TEC: variants seen among roughly 807,000 people sequenced by gnomAD.
TEC encodes tec protein tyrosine kinase.
In TEC, 72 loss-of-function variants were observed where a neutral mutation model predicts 93.0. The observed-to-expected ratio is 0.77, with a 90% CI of 0.64 to 0.94. The LOEUF is 0.94. Ranked by LOEUF, TEC falls within the 40% of genes least tolerant of loss-of-function variation. The probability of loss-of-function intolerance (pLI) is 0.00; values close to 1 mark genes in which losing one functional copy is unlikely to be tolerated. For synonymous variants in TEC, 249 were observed against 247.7 expected, an observed-to-expected ratio of 1.01 and a Z score of -0.05; for missense variants, 630 against 757.9, an observed-to-expected ratio of 0.83 and a Z score of 1.98.
intron 8 of TEC, among the ~76,000 whole-genome samples, chr4:48,157,718 G>A (rs1160697670): frequency 6.6e-6 from 1 of 152,190 alleles, no homozygotes; most frequent in African/African-American, 2.4e-5. Context: ...GTTTCACTGT[G>A]TTGGCCAGGC....
Position 48,223,431 on chromosome 4 carries a change from G to A in TEC, c.138+5046C>T, listed in dbSNP as rs1350034596. On this transcript the variant is annotated intron_variant, in intron 2 of 17. Transcript: ENST00000381501. ...AGATAGGCTTTGAAGAAATATACCTGCAATTTCTGGAAGGTGTGCGCAATC... is the reference window on the plus strand; with the variant it reads ...AGATAGGCTTTGAAGAAATATACCTACAATTTCTGGAAGGTGTGCGCAATC... Among the ~76,000 whole-genome samples, 3 of 151,996 alleles carry A rather than the reference G, an allele frequency of 2.0e-5. No homozygotes were observed. In the East Asian group the frequency reaches 5.8e-4, roughly 29 times the overall value.
chr4:48,150,767 C>T (rs1386038279), intron 10 of TEC, 96 bp downstream of exon 10: 2 of 821,622 alleles, frequency 2.4e-6, no homozygotes, highest in South Asian at 3.4e-5. Flanking sequence ...TGGTGAAATG[C>T]TGCATATTTT....
At chr4:48,165,905 G>T (rs569519892) in intron 7 of TEC, among the ~76,000 whole-genome samples, 1 of 152,238 alleles carries the variant, frequency 6.6e-6, no homozygotes, top group African/African-American at 2.4e-5. Flanking sequence ...CTTAGACCTG[G>T]GCCAGAGAAG....
In TEC at chr4:48,145,625, T is replaced by G; in HGVS notation, c.1082-46A>C. ...GTGTTCATATTTAAAAAGGAAAATG[T>G]AGCATGAATCAGAGAGGGGGAAAAA... On this transcript the variant is annotated intron_variant, in intron 12 of 17. Coordinates refer to ENST00000381501, the MANE Select transcript of TEC (RefSeq NM_003215.3). 2.5e-6 allele frequency: 4 copies of G among 1,599,314 alleles called. No homozygotes were observed. In the South Asian group the frequency reaches 4.4e-5, roughly 18 times the overall value.
chr4:48,141,237 T>C, intron 15 of TEC, 118 bp downstream of exon 15: 1 of 849,744 alleles, frequency 1.2e-6, no homozygotes, highest in Non-Finnish European at 1.9e-6. Flanking sequence ...CTTAATTTAA[T>C]CTGAGAACCA....
chr4:48,260,982 A>G (rs919652365), intron 1 of TEC, among the ~76,000 whole-genome samples: 4 of 152,190 alleles, frequency 2.6e-5, no homozygotes, highest in Non-Finnish European at 4.4e-5. Flanking sequence ...ACTCTACAAA[A>G]TGACAATTTT....
intron 1 of TEC, among the ~76,000 whole-genome samples, chr4:48,242,502 C>G (rs2109658223): frequency 6.6e-6 from 1 of 152,312 alleles, no homozygotes; most frequent in East Asian, 1.9e-4. Flanking sequence ...GTAGTTCCTC[C>G]TACTATCAGT....
intron 2 of TEC, among the ~76,000 whole-genome samples, chr4:48,218,779 T>C (rs1312944497): frequency 6.6e-6 from 1 of 152,202 alleles, no homozygotes; most frequent in Non-Finnish European, 1.5e-5. Context: ...GGAGAGCCTA[T>C]ACAAATGAGA....
At chr4:48,218,458 T>C (rs956223246) in intron 2 of TEC, among the ~76,000 whole-genome samples, 2 of 152,204 alleles carry the variant, frequency 1.3e-5, no homozygotes, top group Non-Finnish European at 2.9e-5. Context: ...TTTTACAAGC[T>C]GGTGGACTGC....
intron 2 of TEC, among the ~76,000 whole-genome samples, chr4:48,204,492 A>C (rs1171714225): frequency 1.3e-5 from 2 of 152,062 alleles, no homozygotes; most frequent in African/African-American, 4.8e-5. Flanking sequence ...CCTTTCGCTG[A>C]TTTTGCTTTG....
intron 2 of TEC, among the ~76,000 whole-genome samples, chr4:48,192,113 A>G (rs1722114169): frequency 6.6e-6 from 1 of 152,240 alleles, no homozygotes; most frequent in Non-Finnish European, 1.5e-5. Context: ...CAACCCAAAC[A>G]TCCATCAACA....
chr4:48,209,830 C>T (rs1472038964), intron 2 of TEC, among the ~76,000 whole-genome samples: 1 of 152,106 alleles, frequency 6.6e-6, no homozygotes, highest in African/African-American at 2.4e-5. Context: ...CTTTGTTTTT[C>T]AAAGGAAGAA....
Position 48,262,201 on chromosome 4 carries a change from C to CTTT in TEC, c.-46+7548_-46+7550dup, listed in dbSNP as rs10659576. Among the ~76,000 whole-genome samples, 5 of 80,220 alleles carry CTTT rather than the reference C, an allele frequency of 6.2e-5. 1 individual carries two copies. The East Asian group carries it at 1.5e-3, about 23-fold the overall frequency. The allele number at this position is 80,220 out of a possible 152,430, so 52.6% of individuals were successfully genotyped here. A position where few individuals can be genotyped will look rare whatever the true frequency, so the allele number is the denominator to read the frequency against. ...CTTGGGTAATTGTGACCAAATGTCT[C>CTTT]TTTTTTTTTTTTTGAGACGGAGTCT... On this transcript the variant is annotated intron_variant, in intron 1 of 17. Transcript: ENST00000381501.
In TEC at chr4:48,259,001, G is replaced by A. The variant is rs553639193; in HGVS notation, c.-46+10751C>T. 2.4e-4 allele frequency among the ~76,000 whole-genome samples: 37 copies of A among 152,192 alleles called. No individual in the cohort carries two copies. In the East Asian group the frequency reaches 3.9e-3, roughly 16 times the overall value. On this transcript the variant is annotated intron_variant, in intron 1 of 17. Transcript: ENST00000381501. ...CCACAGACACTACATTAAATTTACC[G>A]TGAGTCTAAGCAAGCCATTATCTTC...
intron 14 of TEC, among the ~76,000 whole-genome samples, chr4:48,144,361 C>G (rs1200230862): frequency 6.6e-6 from 1 of 152,128 alleles, no homozygotes; most frequent in Non-Finnish European, 1.5e-5. Context: ...TTTCAGGGGA[C>G]AGACAGTGCT....
chr4:48,230,075 CAATAATAAT>C (rs71654901), intron 1 of TEC, among the ~76,000 whole-genome samples: 5 of 146,948 alleles, frequency 3.4e-5, no homozygotes, highest in South Asian at 2.2e-4. Flanking sequence ...AACTCCGTCT[CAATAATAAT>C]AATAATAATA....
chr4:48,263,705 AAAAAAAAGAAAAG>A (rs1298978062), intron 1 of TEC, among the ~76,000 whole-genome samples: 1 of 151,894 alleles, frequency 6.6e-6, no homozygotes, highest in African/African-American at 2.4e-5. Context: ...CACCCCCGCC[AAAAAAAAGAAAAG>A]AAAGAAAGAA....
intron 8 of TEC, among the ~76,000 whole-genome samples, chr4:48,159,946 T>C (rs1357612343): frequency 2.6e-5 from 4 of 152,176 alleles, no homozygotes; most frequent in Admixed American, 2.6e-4. Context: ...TCTACCTCCA[T>C]AATCCAAACA....
intron 9 of TEC, among the ~76,000 whole-genome samples, chr4:48,154,520 A>G (rs1490999317): frequency 6.6e-6 from 1 of 152,238 alleles, no homozygotes; most frequent in African/African-American, 2.4e-5. Context: ...TACACAGTGT[A>G]TAAAGAAAGG....
Sources: gnomAD v4.1 joint callset for allele counts (sites outside exome capture counted in the v4.1 genomes callset) on GRCh38, gnomAD v4.1.1 for gene constraint, MANE v1.5 for transcripts, NCBI Gene and HGNC (gene_info 2026-07-23, HGNC 2026-07-21) for gene names.